The following ABCB1 variants were observed in gnomAD, a reference collection of about 807,000 sequenced individuals.
The protein encoded by ABCB1 is ATP-dependent translocase ABCB1.
Under a neutral mutation model 142.0 loss-of-function variants are expected in ABCB1, and 69 were observed. That is an observed-to-expected ratio of 0.49 (90% CI 0.40 to 0.59). The LOEUF (loss-of-function observed/expected upper bound fraction) is 0.59. ABCB1 is among the 20% of genes least tolerant of loss of function. The pLI is 0.00. For missense variants in ABCB1, 1,326 were observed against 1,554.7 expected, an observed-to-expected ratio of 0.85 and a Z score of 2.47; for synonymous variants, 532 against 539.2, an observed-to-expected ratio of 0.99 and a Z score of 0.18.
chr7:87,574,869 G>A (rs919603722), intron 4 of ABCB1, among the ~76,000 whole-genome samples: 4 of 152,104 alleles, frequency 2.6e-5, no homozygotes, highest in African/African-American at 9.7e-5. Context: ...ACTGGTGTGA[G>A]GTCATAGAAA....
intron 2 of ABCB1, among the ~76,000 whole-genome samples, chr7:87,597,128 T>G (rs1336238829): frequency 6.6e-6 from 1 of 152,014 alleles, no homozygotes; most frequent in Non-Finnish European, 1.5e-5. Context: ...AAGCCAATAT[T>G]TAAATGCCAA....
chr7:87,629,701 G>T (rs1374486289), intron 1 of ABCB1, among the ~76,000 whole-genome samples: 1 of 152,110 alleles, frequency 6.6e-6, no homozygotes, highest in East Asian at 1.9e-4. Flanking sequence ...GCTGAGGCGG[G>T]CGGATCACGA....
intron 3 of ABCB1, among the ~76,000 whole-genome samples, chr7:87,593,868 G>A (rs773492377): frequency 6.6e-6 from 1 of 152,084 alleles, no homozygotes; most frequent in Non-Finnish European, 1.5e-5. Context: ...CTCCCCACTC[G>A]CCTTTTGCCA....
intron 15 of ABCB1, 147 bp downstream of exon 15, chr7:87,545,716 C>A: frequency 1.2e-6 from 1 of 811,118 alleles, no homozygotes; most frequent in Non-Finnish European, 1.9e-6. Flanking sequence ...GAAAAAAAAT[C>A]TTAAACACTG....
intron 2 of ABCB1, among the ~76,000 whole-genome samples, chr7:87,599,555 C>T (rs1032979114): frequency 6.6e-6 from 1 of 152,072 alleles, no homozygotes; most frequent in Non-Finnish European, 1.5e-5. Flanking sequence ...ATCCGCCTGT[C>T]TGGGGCAGGA....
At chr7:87,568,394 A>G (rs1817883029) in intron 5 of ABCB1, among the ~76,000 whole-genome samples, 1 of 150,088 alleles carries the variant, frequency 6.7e-6, no homozygotes, top group African/African-American at 2.5e-5. Context: ...AACCTGGGTG[A>G]CAGAGTAAAA....
Position 87,550,787 on chromosome 7 carries a change from T to C in ABCB1, c.1051A>G (p.Ser351Gly). 2 of 1,613,988 alleles carry C rather than the reference T, an allele frequency of 1.2e-6. No individual in the cohort carries two copies. Among genetic ancestry groups the C allele is most frequent in the African/African-American group, 1.3e-5 (1 of 75,060 alleles). Residue 351 changes from serine to glycine, a missense_variant, in exon 10 of 28, where the codon AGC (serine) becomes GGC (glycine). Coordinates refer to ENST00000622132, the MANE Select transcript of ABCB1 (RefSeq NM_001348946.2). ...CTTGCATTTGCAAATGCTTCAATGCTTGGAGATGCCTGTCCAACACTAAAA... is the reference window on the plus strand; with the variant it reads ...CTTGCATTTGCAAATGCTTCAATGCCTGGAGATGCCTGTCCAACACTAAAA... Reference protein sequence around the residue: ...GAFSVGQASPSIEAFANARGA... With the variant: ...GAFSVGQASPGIEAFANARGA...
At chr7:87,531,880 C>T (rs1484699750) in intron 20 of ABCB1, among the ~76,000 whole-genome samples, 2 of 152,054 alleles carry the variant, frequency 1.3e-5, no homozygotes, top group Non-Finnish European at 2.9e-5. Flanking sequence ...TAATTTAAGC[C>T]TAACGTTTGT....
At chr7:87,541,616 G>GTGTC in intron 17 of ABCB1, 152 bp from the exon 18 acceptor site, 1 of 676,142 alleles carries the variant, frequency 1.5e-6, no homozygotes, top group Non-Finnish European at 2.7e-6. Context: ...AGCCTTAAAG[G>GTGTC]TGTCTGCATT....
chr7:87,589,860 G>A lies in ABCB1; in HGVS notation c.118-4180C>T, dbSNP rs77879941. On this transcript the variant is annotated intron_variant, in intron 3 of 27. Coordinates refer to ENST00000622132, the MANE Select transcript of ABCB1 (RefSeq NM_001348946.2). ...AGGGAGAGAGGGAGGGAGAGAGAGA[G>A]AGAGAGAGAGAAAGAAAGAAAGTTT... 6.8e-3 allele frequency among the ~76,000 whole-genome samples: 1,033 copies of A among 151,204 alleles called. 6 individuals are homozygous for A. Among genetic ancestry groups the A allele is most frequent in the African/African-American group, 0.024 (982 of 40,862 alleles).
intron 1 of ABCB1, among the ~76,000 whole-genome samples, chr7:87,682,527 C>T (rs1441939075): frequency 6.6e-6 from 1 of 152,166 alleles, no homozygotes; most frequent in Non-Finnish European, 1.5e-5. Flanking sequence ...GTGTTAGAAG[C>T]CATGAAAACA....
chr7:87,602,139 T>G (rs1000190868), upstream of ABCB1, among the ~76,000 whole-genome samples: 4 of 151,868 alleles, frequency 2.6e-5, no homozygotes, highest in African/African-American at 9.7e-5. Flanking sequence ...GACTACAGGC[T>G]CCCGCCACCA....
intron 19 of ABCB1, among the ~76,000 whole-genome samples, chr7:87,539,033 C>T (rs1029051397): frequency 1.3e-5 from 2 of 152,200 alleles, no homozygotes; most frequent in South Asian, 2.1e-4. Context: ...GGTGAATCCA[C>T]GCTGGAGGCT....
chr7:87,568,928 A>C (rs1428163491), intron 5 of ABCB1, among the ~76,000 whole-genome samples: 1 of 152,246 alleles, frequency 6.6e-6, no homozygotes, highest in East Asian at 1.9e-4. Context: ...AAAAGCATGT[A>C]CATGATGATT....
intron 21 of ABCB1, among the ~76,000 whole-genome samples, chr7:87,524,319 T>C (rs1293324387): frequency 6.6e-6 from 1 of 152,206 alleles, no homozygotes; most frequent in Non-Finnish European, 1.5e-5. Context: ...TAAAATATTG[T>C]ATAAACTTCT....
At chr7:87,541,254 A>G (rs960695627) in intron 18 of ABCB1, 103 bp downstream of exon 18, 16 of 798,706 alleles carry the variant, frequency 2.0e-5, no homozygotes, top group African/African-American at 1.9e-4. Flanking sequence ...ATGTTAATAG[A>G]GAAGTTCTAC....
chr7:87,542,205 C>G (rs577111750), intron 17 of ABCB1, among the ~76,000 whole-genome samples: 1 of 152,236 alleles, frequency 6.6e-6, no homozygotes, highest in South Asian at 2.1e-4. Flanking sequence ...ACAACAACAA[C>G]AAGGATTTTT....
intron 1 of ABCB1, among the ~76,000 whole-genome samples, chr7:87,643,676 A>G (rs554073210): frequency 2.1e-4 from 31 of 149,252 alleles, no homozygotes; most frequent in Non-Finnish European, 3.0e-4. Context: ...GCATGCCGCC[A>G]TGCTCAGCTG....
rs1218396574 is a variant in ABCB1, at chr7:87,553,752, A to C, written c.999+9T>G. The C allele has an allele frequency of 6.2e-7, 1 of 1,612,484 alleles. No homozygotes were observed. Among genetic ancestry groups the C allele is most frequent in the Non-Finnish European group, 8.5e-7 (1 of 1,178,510 alleles). On this transcript the variant is annotated intron_variant, in intron 9 of 27. Transcript: ENST00000622132. The stretch of plus-strand genomic sequence containing the variant: ...AATAATGGTTCATTTCTCAATGTAA[A>C]CCACTTACAGTGAGTACTTGTCCAA...
Sources: gnomAD v4.1 joint callset for allele counts (sites outside exome capture counted in the v4.1 genomes callset) on GRCh38, gnomAD v4.1.1 for gene constraint, MANE v1.5 for transcripts, NCBI Gene and HGNC (gene_info 2026-07-23, HGNC 2026-07-21) for gene names.